Variants in MCF2L observed in about 807,000 individuals in gnomAD.
MCF2L encodes guanine nucleotide exchange factor DBS.
Under a neutral mutation model 153.4 loss-of-function variants are expected in MCF2L, and 97 were observed. That is an observed-to-expected ratio of 0.63 (90% CI 0.54 to 0.75). The LOEUF (loss-of-function observed/expected upper bound fraction) is 0.75. MCF2L is among the 30% of genes least tolerant of loss of function. The probability of loss-of-function intolerance (pLI) is 0.00; values close to 1 mark genes in which losing one functional copy is unlikely to be tolerated. For synonymous variants in MCF2L, 659 were observed against 632.2 expected (o/e 1.04, Z -0.64); for missense variants, 1,347 against 1,495.2 (o/e 0.90, Z 1.64).
intron 1 of MCF2L, among the ~76,000 whole-genome samples, chr13:112,994,212 A>G (rs9549331): frequency 0.55 from 81,987 of 149,434 alleles, 22,850 homozygotes; most frequent in Non-Finnish European, 0.61. Context: ...CCAACGGGGC[A>G]CGGTGCGTGG....
At chr13:113,080,216 G>A (rs2033981819) in intron 15 of MCF2L, among the ~76,000 whole-genome samples, 2 of 150,028 alleles carry the variant, frequency 1.3e-5, no homozygotes, top group South Asian at 4.3e-4. Flanking sequence ...GGAGGGTCCA[G>A]GCAGGAGAGT....
At chr13:113,006,000 C>G (rs187898183) in intron 1 of MCF2L, among the ~76,000 whole-genome samples, 2 of 152,296 alleles carry the variant, frequency 1.3e-5, no homozygotes, top group South Asian at 2.1e-4. Flanking sequence ...TCATCGGACT[C>G]GAAGCTCCCT....
At chr13:112,938,304 T>G (rs898340278) in intron 2 of MCF2L, among the ~76,000 whole-genome samples, 1 of 148,796 alleles carries the variant, frequency 6.7e-6, no homozygotes. Context: ...TCAGGTGAGC[T>G]CTGAGTGGTT....
chr13:113,033,417 G>A (rs1042486591), intron 3 of MCF2L, among the ~76,000 whole-genome samples: 3 of 91,340 alleles, frequency 3.3e-5, no homozygotes, highest in Admixed American at 1.2e-4. Context: ...CCCGTGGCGT[G>A]AGTGGCCCCC....
At chr13:112,982,120 G>A (rs769545327) in intron 1 of MCF2L, among the ~76,000 whole-genome samples, 4 of 152,202 alleles carry the variant, frequency 2.6e-5, no homozygotes, top group African/African-American at 4.8e-5. Flanking sequence ...TGGGGCCGAC[G>A]AGGGGGACAA....
At chr13:113,047,832 G>A (rs902978017) in intron 4 of MCF2L, among the ~76,000 whole-genome samples, 1 of 152,052 alleles carries the variant, frequency 6.6e-6, no homozygotes, top group South Asian at 2.1e-4. Context: ...CTCGCTACGC[G>A]TGCCCTGTCC....
intron 1 of MCF2L, among the ~76,000 whole-genome samples, chr13:112,974,483 C>T (rs2082152561): frequency 1.3e-5 from 2 of 152,146 alleles, no homozygotes; most frequent in South Asian, 4.1e-4. Context: ...AAGCCTGGCC[C>T]CTTGGGTGTG....
In MCF2L at chr13:113,045,171, A is replaced by G; in HGVS notation, c.279-100A>G. 9.3e-7 allele frequency: 1 copy of G among 1,080,254 alleles called. No individual in the cohort carries two copies. Among genetic ancestry groups the G allele is most frequent in the Non-Finnish European group, 1.4e-6 (1 of 697,524 alleles). 66.9% of individuals were successfully genotyped at this position (1,080,254 alleles called of 1,614,324 possible). On this transcript the variant is annotated intron_variant, in intron 3 of 29. Coordinates refer to ENST00000535094, the MANE Select transcript of MCF2L (RefSeq NM_001112732.3). This position sits in a 1 kb window ranked among gnomAD's most constrained non-coding sequence, Gnocchi z 4.2. ...TGGTATTGCAGAAATGGCATCATGA[A>G]TATGGGGGATCGCTCTCCCAAGAGG...
intron 2 of MCF2L, chr13:112,917,132 C>T (rs561414973): frequency 4.2e-6 from 2 of 471,300 alleles, no homozygotes; most frequent in African/African-American, 2.0e-5. Flanking sequence ...CGATCTCAGT[C>T]CCCTGGCTTG....
chr13:112,912,934 T>C (rs565293665), intron 2 of MCF2L, among the ~76,000 whole-genome samples: 10 of 150,244 alleles, frequency 6.7e-5, no homozygotes, highest in Non-Finnish European at 1.2e-4. Context: ...TGTGTCTGTA[T>C]GATTGTGTGT....
rs999677287 is a variant in MCF2L at position 112,932,071 on chromosome 13, C to T, written c.169+29700C>T. Among the ~76,000 whole-genome samples the T allele has an allele frequency of 2.0e-5, 3 of 152,154 alleles. No individual in the cohort carries two copies. The highest frequency in any genetic ancestry group is 4.4e-5 in the Non-Finnish European group (3 of 68,028). On this transcript the variant is annotated intron_variant, in intron 2 of 29. Coordinates refer to the MCF2L transcript ENST00000375608. The surrounding 1 kb of genome is among the most constrained non-coding windows in gnomAD (Gnocchi z 4.6). The stretch of plus-strand genomic sequence containing the variant: ...ACGAGGGGAGCTCAGAACCCTACTT[C>T]CTGAGTGTGGGATGTGCGCAGCTAT...
chr13:112,968,975 T>A (rs913913064), upstream of MCF2L, among the ~76,000 whole-genome samples: 2 of 151,184 alleles, frequency 1.3e-5, no homozygotes, highest in African/African-American at 4.9e-5. Flanking sequence ...CAGGTGACAC[T>A]TCCAGGTGAC....
chr13:113,049,789 T>C (rs527343067), intron 4 of MCF2L, among the ~76,000 whole-genome samples: 20 of 152,356 alleles, frequency 1.3e-4, no homozygotes, highest in Admixed American at 2.6e-4. Flanking sequence ...TGTGCCGGGA[T>C]CCGGGGCTAT....
chr13:112,979,288 C>T (rs1044363722), intron 1 of MCF2L: 4 of 1,124,366 alleles, frequency 3.6e-6, no homozygotes, highest in Non-Finnish European at 2.2e-6. Context: ...CAAGCCCCCG[C>T]CCTGTTCGAG....
chr13:113,088,422 G>T lies in MCF2L; in HGVS notation c.2767+17G>T, dbSNP rs1381829459. On this transcript the variant is annotated intron_variant, in intron 24 of 29. Transcript: ENST00000535094. ...CTTGTAGAGGTGAGGCTGTCTTCAA[G>T]CGATCGTTTCCCGTAGCTTCCGCTC... 1.2e-6 allele frequency: 2 copies of T among 1,613,642 alleles called. No homozygotes were observed. The highest frequency in any genetic ancestry group is 1.7e-6 in the Non-Finnish European group (2 of 1,179,908).
chr13:113,084,157 C>A (rs760276082), intron 18 of MCF2L, 90 bp downstream of exon 18: 8 of 1,047,426 alleles, frequency 7.6e-6, no homozygotes, highest in Non-Finnish European at 1.2e-5. Context: ...CTATTCTAAC[C>A]AACTGAAATC....
chr13:113,044,901 A>G, intron 3 of MCF2L: 3 of 1,612,754 alleles, frequency 1.9e-6, no homozygotes, highest in Non-Finnish European at 2.5e-6. Context: ...ATGCGCCATA[A>G]GACTGTTTTG....
chr13:112,979,533 C>G, intron 1 of MCF2L: 1 of 1,502,548 alleles, frequency 6.7e-7, no homozygotes, highest in Non-Finnish European at 8.8e-7. Flanking sequence ...GACCATGCGG[C>G]ACCCGCCCGG....
Position 113,002,000 on chromosome 13 carries a change from C to T in MCF2L, c.80-12763C>T, listed in dbSNP as rs554358001. 1.4e-5 allele frequency: 22 copies of T among 1,554,386 alleles called. No individual in the cohort carries two copies. In the Admixed American group the frequency reaches 2.3e-4, roughly 17 times the overall value. On this transcript the variant is annotated intron_variant, in intron 1 of 29. Coordinates refer to ENST00000535094, the MANE Select transcript of MCF2L (RefSeq NM_001112732.3). ...CCGGCGCAGGTGCGTGGGGCGCGGG[C>T]GGGTCCTCGCCTCCCCGGAAGGTGT...
Sources: allele counts gnomAD v4.1 joint callset (sites outside exome capture counted in the v4.1 genomes callset), GRCh38; gene constraint gnomAD v4.1.1; non-coding constraint Gnocchi (gnomAD v3.1); transcripts MANE v1.5; gene names NCBI Gene and HGNC (gene_info 2026-07-23, HGNC 2026-07-21).